RBBP8NL: variants seen among roughly 807,000 people sequenced by gnomAD.
RBBP8NL encodes RBBP8 N-terminal like.
In RBBP8NL, 59 loss-of-function variants were observed where a neutral mutation model predicts 62.2. That is an observed-to-expected ratio of 0.95 (90% confidence interval 0.77 to 1.18). The LOEUF is 1.18. Ranked by LOEUF, RBBP8NL falls within the 50% of genes most tolerant of loss-of-function variation. The pLI is 0.00. For synonymous variants in RBBP8NL, 412 were observed against 394.1 expected, an observed-to-expected ratio of 1.05 and a Z score of -0.54; for missense variants, 896 against 899.5, an observed-to-expected ratio of 1.00 and a Z score of 0.05.
intron 1 of RBBP8NL, among the ~76,000 whole-genome samples, chr20:62,422,870 C>T (rs112236980): frequency 0.017 from 2,590 of 152,140 alleles, 63 homozygotes; most frequent in African/African-American, 0.053. Context: ...GCATGGAGGG[C>T]GGAGCACCAG....
rs1335567653 is a variant in RBBP8NL at position 62,412,893 on chromosome 20, G to A, written c.1683C>T (p.Ser561=). ...PPDLDGHPEP[S]KAEVLRPESD... The stretch of plus-strand genomic sequence containing the variant: ...ACTCTGGTCTCAGCACTTCAGCCTT[G>A]CTGGGCTCTGAAGGATGCAGAGTGT... Residue 561 remains serine (S), a synonymous_variant, in exon 12 of 14, where the codon AGC becomes AGT. Coordinates refer to ENST00000252998, the MANE Select transcript of RBBP8NL (RefSeq NM_080833.3). 13 of 1,613,084 alleles carry A rather than the reference G, an allele frequency of 8.1e-6. No homozygotes were observed. The highest frequency in any genetic ancestry group is 1.1e-5 in the Non-Finnish European group (13 of 1,180,008).
At chr20:62,418,225 C>T (rs564209061) in intron 3 of RBBP8NL, among the ~76,000 whole-genome samples, 198 bp downstream of exon 3, 147 of 152,304 alleles carry the variant, frequency 9.7e-4, no homozygotes, top group African/African-American at 3.1e-3. Context: ...GGGAGGCCGA[C>T]GCAACTGGGT....
rs757950710 is a variant in RBBP8NL at position 62,415,591 on chromosome 20, C to T, written c.614G>A (p.Arg205Gln). ...CCCTGCCCTTACCATGTCTGGGGCTCGCGACTCAGGCAGGGTGGCCCCTGG... is the reference window on the plus strand; with the variant it reads ...CCCTGCCCTTACCATGTCTGGGGCTTGCGACTCAGGCAGGGTGGCCCCTGG... Reference protein sequence around the residue: ...ISPGATLPESRAPDMSPQRIS... With the variant: ...ISPGATLPESQAPDMSPQRIS... The change falls in exon 8 of 14, where the codon CGA becomes CAA. Residue 205 changes from arginine (R) to glutamine (Q), a missense_variant. By Grantham distance (43) the Arg-to-Gln change is conservative (BLOSUM62 1). Coordinates refer to ENST00000252998, the MANE Select transcript of RBBP8NL (RefSeq NM_080833.3). 29 of 1,612,692 alleles carry T rather than the reference C, an allele frequency of 1.8e-5. No individual in the cohort carries two copies. The highest frequency in any genetic ancestry group is 1.6e-4 in the Middle Eastern group (1 of 6,074).
intron 1 of RBBP8NL, among the ~76,000 whole-genome samples, chr20:62,423,516 G>A (rs1489686247): frequency 6.6e-6 from 1 of 152,184 alleles, no homozygotes; most frequent in Non-Finnish European, 1.5e-5. Context: ...CCCCAGACCC[G>A]CCCAACAGGC....
chr20:62,410,565 G>C lies in RBBP8NL; in HGVS notation c.*313C>G. 2.5e-6 allele frequency: 1 copy of C among 401,250 alleles called. No individual in the cohort carries two copies. Among genetic ancestry groups the C allele is most frequent in the Non-Finnish European group, 4.5e-6 (1 of 222,742 alleles). 24.9% of individuals were successfully genotyped at this position (401,250 alleles called of 1,614,324 possible). ...GGGAGGGGCCGCAGAGCATTTCCCA[G>C]GTGGGTGGAGACGGGGTGAATCGCC... On this transcript the variant is annotated 3_prime_UTR_variant, in exon 14 of 14. Coordinates refer to ENST00000252998, the MANE Select transcript of RBBP8NL (RefSeq NM_080833.3).
intron 3 of RBBP8NL, 61 bp from the exon 4 acceptor site, chr20:62,417,380 CA>C: frequency 3.7e-6 from 5 of 1,356,192 alleles, no homozygotes; most frequent in Non-Finnish European, 4.0e-6. Flanking sequence ...ACGCTGTCCC[CA>C]CCATCCAGCC....
intron 1 of RBBP8NL, among the ~76,000 whole-genome samples, chr20:62,421,893 G>A (rs970393809): frequency 1.6e-4 from 24 of 150,222 alleles, no homozygotes; most frequent in Non-Finnish European, 2.2e-4. Flanking sequence ...CTGTGTGTGC[G>A]TGCCCAAGCC....
Position 62,414,746 on chromosome 20 carries a change from G to A in RBBP8NL, c.795-190C>T, listed in dbSNP as rs73916595. ...GGGAGGCTCAGCCCCCAGCTCTGGA[G>A]GCCATGCTGTGTGGACCTGGCCAGA... is the stretch of plus-strand genomic sequence containing the variant. On this transcript the variant is annotated intron_variant, in intron 9 of 13. Coordinates refer to ENST00000252998, the MANE Select transcript of RBBP8NL (RefSeq NM_080833.3). 1.8e-3 allele frequency among the ~76,000 whole-genome samples: 274 copies of A among 152,348 alleles called. 2 individuals are homozygous for A. The highest frequency in any genetic ancestry group is 6.2e-3 in the African/African-American group (259 of 41,580).
At chr20:62,416,393 C>T (rs1988567513) in intron 5 of RBBP8NL, among the ~76,000 whole-genome samples, 157 bp from the exon 6 acceptor site, 1 of 152,200 alleles carries the variant, frequency 6.6e-6, no homozygotes, top group African/African-American at 2.4e-5. Context: ...TGGCTGCGTG[C>T]ATGGCTGATT....
rs540422306 is a variant in RBBP8NL, at chr20:62,417,620, C to G, written c.105-301G>C. Among the ~76,000 whole-genome samples, 245 of 95,504 alleles carry G rather than the reference C, an allele frequency of 2.6e-3. 1 individual carries two copies. The highest frequency in any genetic ancestry group is 3.5e-3 in the Non-Finnish European group (173 of 49,506). The allele number at this position is 95,504 out of a possible 152,430, so 62.7% of individuals were successfully genotyped here. ...TGTTCCGTCCACGCACCACCCCCCC[C>G]AGTCATCTGCACGCTCCTCTGTGAC... On this transcript the variant is annotated intron_variant, in intron 3 of 13. Transcript: ENST00000252998.
At chr20:62,413,005 G>T in intron 11 of RBBP8NL, 105 bp from the exon 12 acceptor site, 1 of 1,304,458 alleles carries the variant, frequency 7.7e-7, no homozygotes, top group Non-Finnish European at 1.1e-6. Flanking sequence ...TGGGGAAACT[G>T]AGGCACGGAG....
intron 3 of RBBP8NL, among the ~76,000 whole-genome samples, chr20:62,417,696 T>C (rs61495987): frequency 6.2e-4 from 30 of 48,060 alleles, no homozygotes; most frequent in African/African-American, 1.8e-3. Flanking sequence ...TCCTCTGTGA[T>C]GTCTGTCCTG....
rs764012856 is a variant in RBBP8NL at position 62,415,252 on chromosome 20, G to T, written c.663C>A (p.Thr221=). 3 of 1,567,152 alleles carry T rather than the reference G, an allele frequency of 1.9e-6. No homozygotes were observed. Among genetic ancestry groups the T allele is most frequent in the Admixed American group, 1.8e-5 (1 of 54,602 alleles). Residue 221 remains threonine (T), a synonymous_variant, in exon 9 of 14, where the codon ACC becomes ACA. Transcript: ENST00000252998. ...PQRISNQLHG[T]IAVVRPGSQA... is the part of the protein sequence containing the mutation. Reference sequence around the variant, plus strand: ...GGGACCCAGGCCGCACCACGGCAATGGTCCCGTGCAGCTGGTTGGAGATGC... The same window carrying T: ...GGGACCCAGGCCGCACCACGGCAATTGTCCCGTGCAGCTGGTTGGAGATGC...
At chr20:62,418,705 G>T (rs1988635627) in intron 2 of RBBP8NL, among the ~76,000 whole-genome samples, 1 of 152,144 alleles carries the variant, frequency 6.6e-6, no homozygotes, top group African/African-American at 2.4e-5. Flanking sequence ...CTGTCTGGGG[G>T]TGTCTGGGGG....
At chr20:62,425,874 A>C (rs1988790645) in intron 1 of RBBP8NL, among the ~76,000 whole-genome samples, 1 of 152,224 alleles carries the variant, frequency 6.6e-6, no homozygotes, top group Non-Finnish European at 1.5e-5. Context: ...TGGCCACAGC[A>C]GTAGCAGTGG....
intron 13 of RBBP8NL, among the ~76,000 whole-genome samples, 178 bp downstream of exon 13, chr20:62,412,446 C>T (rs1386247546): frequency 2.0e-5 from 3 of 152,220 alleles, no homozygotes; most frequent in Non-Finnish European, 2.9e-5. Flanking sequence ...GGACTCACTC[C>T]GGCCACCCTC....
rs1988409358 is a variant in RBBP8NL, at chr20:62,410,515, C to A, written c.*363G>T. On this transcript the variant is annotated 3_prime_UTR_variant, in exon 14 of 14. Coordinates refer to ENST00000252998, the MANE Select transcript of RBBP8NL (RefSeq NM_080833.3). ...TGATCCCGCCTCCAGTCCCCACACC[C>A]CTCAGGGAGCAGGTGCTGGGCTGTG... 2 of 262,998 alleles carry A rather than the reference C, an allele frequency of 7.6e-6. No individual in the cohort carries two copies. The highest frequency in any genetic ancestry group is 1.5e-5 in the Non-Finnish European group (2 of 137,460). The allele number at this position is 262,998 out of a possible 1,614,324, so 16.3% of individuals were successfully genotyped here.
At chr20:62,418,342 G>T (rs1988626817) in intron 3 of RBBP8NL, 81 bp downstream of exon 3, 3 of 1,327,714 alleles carry the variant, frequency 2.3e-6, no homozygotes, top group Non-Finnish European at 3.2e-6. Context: ...GACGGTGGTA[G>T]TGCTGGCACA....
At chr20:62,419,994 C>T (rs1211726472) in intron 1 of RBBP8NL, among the ~76,000 whole-genome samples, 1 of 152,114 alleles carries the variant, frequency 6.6e-6, no homozygotes, top group Non-Finnish European at 1.5e-5. Context: ...GCTGGAGGGG[C>T]CAGGGAGCAT....
Sources: allele counts gnomAD v4.1 joint callset (sites outside exome capture counted in the v4.1 genomes callset), GRCh38; gene constraint gnomAD v4.1.1; transcripts MANE v1.5; gene names NCBI Gene and HGNC (gene_info 2026-07-23, HGNC 2026-07-21).